Variants in TNFRSF19 observed in about 807,000 individuals in gnomAD.
TNFRSF19 encodes the protein TNF receptor superfamily member 19.
TNFRSF19 carries 27 observed loss-of-function variants against 46.4 expected under a neutral mutation model. That is an observed-to-expected ratio of 0.58 (90% CI 0.43 to 0.80). TNFRSF19 has a LOEUF of 0.80. Ranked by LOEUF, TNFRSF19 falls within the 30% of genes least tolerant of loss-of-function variation. The pLI is 0.00. For synonymous variants in TNFRSF19, 204 were observed against 205.0 expected (o/e 1.00, Z 0.04); for missense variants, 511 against 530.8 (o/e 0.96, Z 0.37).
In TNFRSF19 at chr13:23,590,253, G is replaced by A; in HGVS notation, c.69+1G>A. 6.4e-7 allele frequency: 1 copy of A among 1,567,844 alleles called. No homozygotes were observed. The highest frequency in any genetic ancestry group is 8.7e-7 in the Non-Finnish European group (1 of 1,151,682). On this transcript the variant is annotated splice_donor_variant, in intron 2 of 9. Transcript: ENST00000248484. LOFTEE classifies it high-confidence loss of function. ...TCTTTTAGTATTACTAGGCTATTTG[G>A]TAAGTAAAGTCCTTTTTTCTTTCAT...
intron 7 of TNFRSF19, among the ~76,000 whole-genome samples, chr13:23,663,279 G>A (rs1884488394): frequency 6.6e-6 from 1 of 152,116 alleles, no homozygotes; most frequent in Non-Finnish European, 1.5e-5. Context: ...ATAATCATGT[G>A]GTTTTGTCTT....
At chr13:23,643,654 A>G (rs887774088) in intron 5 of TNFRSF19, among the ~76,000 whole-genome samples, 36 of 152,228 alleles carry the variant, frequency 2.4e-4, no homozygotes, top group Non-Finnish European at 8.8e-5. Context: ...TGGCAATAAA[A>G]CAATGATGGG....
intron 4 of TNFRSF19, among the ~76,000 whole-genome samples, chr13:23,625,721 T>C (rs1347726937): frequency 6.6e-6 from 1 of 152,186 alleles, no homozygotes; most frequent in African/African-American, 2.4e-5. Context: ...TAAACTATTT[T>C]ATTGAGTTCT....
intron 7 of TNFRSF19, among the ~76,000 whole-genome samples, chr13:23,664,965 A>AAC (rs1951596893): frequency 6.6e-6 from 1 of 152,240 alleles, no homozygotes. Context: ...CATTGAACAA[A>AAC]ATATTGCTAT....
chr13:23,649,453 T>G (rs73156785), intron 5 of TNFRSF19, among the ~76,000 whole-genome samples: 11,991 of 152,180 alleles, frequency 0.079, 634 homozygotes, highest in Middle Eastern at 0.12. Context: ...CTATTCTCTC[T>G]TATTTACTTA....
At chr13:23,648,557 C>T (rs566727739) in intron 5 of TNFRSF19, among the ~76,000 whole-genome samples, 3 of 152,092 alleles carry the variant, frequency 2.0e-5, no homozygotes, top group Non-Finnish European at 4.4e-5. Context: ...TTCTTCCTTC[C>T]CAGTTTGGAT....
At chr13:23,581,360 A>G (rs1300034423) in intron 1 of TNFRSF19, among the ~76,000 whole-genome samples, 1 of 151,912 alleles carries the variant, frequency 6.6e-6, no homozygotes, top group Non-Finnish European at 1.5e-5. Flanking sequence ...GTTAGCCAGG[A>G]TGGTCTCAAT....
chr13:23,624,837 G>T (rs1881886367), intron 4 of TNFRSF19, among the ~76,000 whole-genome samples: 1 of 150,668 alleles, frequency 6.6e-6, no homozygotes, highest in South Asian at 2.1e-4. Flanking sequence ...TGCAACCTCT[G>T]CCTCCCAGGT....
At chr13:23,607,279 C>A (rs1166503919) in intron 3 of TNFRSF19, among the ~76,000 whole-genome samples, 1 of 152,006 alleles carries the variant, frequency 6.6e-6, no homozygotes, top group Non-Finnish European at 1.5e-5. Flanking sequence ...ACTAAAAATA[C>A]AAAAATTAGC....
In TNFRSF19 at chr13:23,615,131, CATTATA is replaced by C. The variant is rs577761177; in HGVS notation, c.181-730_181-725del. 4.3e-4 allele frequency among the ~76,000 whole-genome samples: 65 copies of C among 152,234 alleles called. No homozygotes were observed. The South Asian group carries it at 7.3e-3, about 17-fold the overall frequency. On this transcript the variant is annotated intron_variant, in intron 3 of 9. Transcript: ENST00000248484. ...ATCTACATTCTTCTTTTTATAGTTG[CATTATA>C]ATTATGTTACATGATATGCTATAGT...
At chr13:23,594,755 G>A (rs890569854) in intron 3 of TNFRSF19, among the ~76,000 whole-genome samples, 6 of 152,192 alleles carry the variant, frequency 3.9e-5, no homozygotes, top group African/African-American at 1.2e-4. Flanking sequence ...CAAAGCACTC[G>A]AGCTCTGCTA....
chr13:23,620,917 C>T (rs565883738), intron 4 of TNFRSF19, among the ~76,000 whole-genome samples: 1 of 152,298 alleles, frequency 6.6e-6, no homozygotes, highest in South Asian at 2.1e-4. Flanking sequence ...AGTAGGGATT[C>T]CTACCACCCC....
chr13:23,655,706 T>C (rs1304168105), intron 5 of TNFRSF19, among the ~76,000 whole-genome samples: 1 of 151,836 alleles, frequency 6.6e-6, no homozygotes, highest in African/African-American at 2.4e-5. Flanking sequence ...CTTTATAGAG[T>C]GGAAGCCACT....
At chr13:23,612,204 C>T (rs1880955811) in intron 3 of TNFRSF19, among the ~76,000 whole-genome samples, 1 of 152,142 alleles carries the variant, frequency 6.6e-6, no homozygotes, top group African/African-American at 2.4e-5. Flanking sequence ...CCAATGTCAC[C>T]ATGGGTTGGA....
At chr13:23,592,323 G>GT (rs1488135811) in intron 2 of TNFRSF19, among the ~76,000 whole-genome samples, 1 of 152,092 alleles carries the variant, frequency 6.6e-6, no homozygotes, top group Non-Finnish European at 1.5e-5. Flanking sequence ...CTTGCTTAGG[G>GT]TAAGGGGTTG....
intron 4 of TNFRSF19, among the ~76,000 whole-genome samples, chr13:23,624,551 T>C (rs1307644285): frequency 1.3e-5 from 2 of 152,166 alleles, no homozygotes; most frequent in Non-Finnish European, 2.9e-5. Context: ...GCTACTACAT[T>C]ATGCAGTTTC....
At chr13:23,639,640 C>T (rs1007941204) in intron 5 of TNFRSF19, among the ~76,000 whole-genome samples, 3 of 152,162 alleles carry the variant, frequency 2.0e-5, no homozygotes, top group African/African-American at 7.2e-5. Context: ...AGGTAGCTCC[C>T]CAGCCAGTAC....
At chr13:23,650,071 A>G (rs1883544519) in intron 5 of TNFRSF19, among the ~76,000 whole-genome samples, 1 of 152,202 alleles carries the variant, frequency 6.6e-6, no homozygotes, top group African/African-American at 2.4e-5. Context: ...CAGACTTCTC[A>G]CTGCAGCTGT....
chr13:23,636,455 G>A (rs1882687231), intron 5 of TNFRSF19, among the ~76,000 whole-genome samples: 1 of 152,066 alleles, frequency 6.6e-6, no homozygotes, highest in Non-Finnish European at 1.5e-5. Context: ...TGATCTCCTC[G>A]TCTTCTCCTT....
Sources: gnomAD v4.1 joint callset for allele counts (sites outside exome capture counted in the v4.1 genomes callset) on GRCh38, gnomAD v4.1.1 for gene constraint, MANE v1.5 for transcripts, NCBI Gene and HGNC (gene_info 2026-07-23, HGNC 2026-07-21) for gene names.